CYGB: variants seen among roughly 807,000 people sequenced by gnomAD.
The protein encoded by CYGB is cytoglobin.
Under a neutral mutation model 20.7 loss-of-function variants are expected in CYGB, and 13 were observed. That is an observed-to-expected ratio of 0.63 (90% confidence interval 0.41 to 1.00). CYGB has a LOEUF of 1.00. Ranked by LOEUF, CYGB falls within the 50% of genes least tolerant of loss-of-function variation. The pLI is 0.00. For synonymous variants in CYGB, 93 were observed against 107.4 expected, an observed-to-expected ratio of 0.87 and a Z score of 0.83; for missense variants, 218 against 257.2, an observed-to-expected ratio of 0.85 and a Z score of 1.04.
exon 1 of CYGB, chr17:76,550,997 C>T (rs1260882491): frequency 6.6e-6 from 1 of 152,206 alleles, no homozygotes; most frequent in African/African-American, 2.4e-5. Flanking sequence ...TGACCTTTGC[C>T]AAGGTTACTC....
At chr17:76,537,336 T>A in intron 1 of CYGB, 64 bp downstream of exon 1, 1 of 1,477,200 alleles carries the variant, frequency 6.8e-7, no homozygotes, top group Admixed American at 2.3e-5. Flanking sequence ...GGCCCAGCCC[T>A]CCTCTGCCCG....
chr17:76,544,306 A>G (rs1377053011), intron 1 of CYGB: 2 of 454,226 alleles, frequency 4.4e-6, no homozygotes, highest in African/African-American at 2.0e-5. Context: ...GCAGTAGAAG[A>G]TGGAGTTCTC....
chr17:76,544,206 T>C (rs1278698486), intron 1 of CYGB: 2 of 454,424 alleles, frequency 4.4e-6, no homozygotes, highest in Admixed American at 2.3e-5. Flanking sequence ...CCCGTGCCTC[T>C]GTGCACACGC....
intron 1 of CYGB, among the ~76,000 whole-genome samples, chr17:76,547,882 TACAC>T (rs1282157936): frequency 6.9e-6 from 1 of 145,652 alleles, no homozygotes; most frequent in African/African-American, 2.6e-5. Context: ...TTCACACACA[TACAC>T]ATACACACAG....
chr17:76,549,755 T>C (rs950771548), intron 1 of CYGB, among the ~76,000 whole-genome samples: 3 of 152,126 alleles, frequency 2.0e-5, no homozygotes, highest in Non-Finnish European at 2.9e-5. Context: ...GGAAATGAAC[T>C]GCTGATGCCG....
chr17:76,544,866 A>C (rs1161658251), intron 1 of CYGB: 5 of 456,672 alleles, frequency 1.1e-5, no homozygotes, highest in Non-Finnish European at 2.2e-5. Flanking sequence ...CTCACGGCCC[A>C]GACGCACTTC....
chr17:76,536,680 C>G (rs2074917322), intron 1 of CYGB, among the ~76,000 whole-genome samples: 1 of 152,148 alleles, frequency 6.6e-6, no homozygotes, highest in Admixed American at 6.5e-5. Flanking sequence ...CCCCTAAGCC[C>G]AAGCCACTGC....
chr17:76,540,637 C>T, upstream of CYGB: 1 of 1,523,530 alleles, frequency 6.6e-7, no homozygotes, highest in South Asian at 1.1e-5. The surrounding 1 kb of genome is among the most constrained non-coding windows in gnomAD (Gnocchi z 5.0). Flanking sequence ...CTGTGCATGC[C>T]TGGGGGTGCA....
rs572911315 is a variant in CYGB at position 76,531,188 on chromosome 17, C to T, written c.376-46G>A. The T allele has an allele frequency of 2.5e-5, 40 of 1,577,822 alleles. No homozygotes were observed. The highest frequency in any genetic ancestry group is 1.9e-4 in the Middle Eastern group (1 of 5,186). On this transcript the variant is annotated intron_variant, in intron 2 of 3. Transcript: ENST00000293230. This position sits in a 1 kb window ranked among gnomAD's most constrained non-coding sequence, Gnocchi z 7.4. ...GGGGAGTGAACGCCCGGGCGCCCTG[C>T]GTCCTGCAACCCCCAGGCCCCTCCG...
At chr17:76,536,506 G>A (rs1334022739) in intron 1 of CYGB, among the ~76,000 whole-genome samples, 1 of 152,190 alleles carries the variant, frequency 6.6e-6, no homozygotes, top group Admixed American at 6.5e-5. Context: ...GGACCAGCAC[G>A]TGTGGAAAGA....
At chr17:76,537,169 C>T (rs2074925300) in intron 1 of CYGB, among the ~76,000 whole-genome samples, 1 of 152,226 alleles carries the variant, frequency 6.6e-6, no homozygotes. Flanking sequence ...AGGTGCTCTC[C>T]TGCATCTGGT....
rs541445094 is a variant in CYGB, at chr17:76,543,915, C to T, written c.-53+6947G>A. ...TGGATGGGAGCAACGGACAGCTTGTCCTCCGAATGTGTTTTCTGTATGTGT... is the reference window on the plus strand; with the variant it reads ...TGGATGGGAGCAACGGACAGCTTGTTCTCCGAATGTGTTTTCTGTATGTGT... On this transcript the variant is annotated intron_variant, in intron 1 of 3. Transcript: ENST00000589145. 585 of 470,786 alleles carry T rather than the reference C, an allele frequency of 1.2e-3. No homozygotes were observed. The highest frequency in any genetic ancestry group is 2.1e-3 in the Non-Finnish European group (484 of 227,064). 29.2% of individuals were successfully genotyped at this position (470,786 alleles called of 1,614,324 possible).
rs1026723157 is a variant in CYGB at position 76,530,082 on chromosome 17, C to A, written c.539+897G>T. 5.1e-6 allele frequency: 5 copies of A among 983,794 alleles called. No homozygotes were observed. The African/African-American group carries it at 8.7e-5, about 17-fold the overall frequency. The allele number at this position is 983,794 out of a possible 1,614,324, so 60.9% of individuals were successfully genotyped here. A position where few individuals can be genotyped will look rare whatever the true frequency, so the allele number is the denominator to read the frequency against. On this transcript the variant is annotated intron_variant, in intron 3 of 3. Coordinates refer to ENST00000293230, the MANE Select transcript of CYGB (RefSeq NM_134268.5). The surrounding 1 kb of genome is among the most constrained non-coding windows in gnomAD (Gnocchi z 6.1). ...TGCAGAGCCCGGCGGGAGACGCCGCCTTTTCCATGGGAAACTGCTGGGAAT... is the reference window on the plus strand; with the variant it reads ...TGCAGAGCCCGGCGGGAGACGCCGCATTTTCCATGGGAAACTGCTGGGAAT...
chr17:76,536,045 T>A lies in CYGB; in HGVS notation c.143+1355A>T, dbSNP rs576545300. ...CTCTGCTACCCACAATGTGCTTGTGTGGGTGCCAGCACCTGTGGGGATTGG... is the reference window on the plus strand; with the variant it reads ...CTCTGCTACCCACAATGTGCTTGTGAGGGTGCCAGCACCTGTGGGGATTGG... On this transcript the variant is annotated intron_variant, in intron 1 of 3. Coordinates refer to ENST00000293230, the MANE Select transcript of CYGB (RefSeq NM_134268.5). 1.1e-4 allele frequency among the ~76,000 whole-genome samples: 16 copies of A among 152,252 alleles called. No individual in the cohort carries two copies. In the East Asian group the frequency reaches 3.1e-3, roughly 29 times the overall value.
chr17:76,535,779 T>A (rs1050893959), intron 1 of CYGB, among the ~76,000 whole-genome samples: 1 of 152,212 alleles, frequency 6.6e-6, no homozygotes, highest in South Asian at 2.1e-4. Flanking sequence ...TGCCCTACCC[T>A]GGTCCCCTTC....
intron 1 of CYGB, among the ~76,000 whole-genome samples, chr17:76,532,778 C>T (rs1323443173): frequency 2.6e-5 from 4 of 151,930 alleles, no homozygotes; most frequent in South Asian, 2.1e-4. Context: ...CTCAGGCGAT[C>T]CGCCTGCCTC....
intron 1 of CYGB, among the ~76,000 whole-genome samples, chr17:76,534,845 A>T (rs2143107695): frequency 6.6e-6 from 1 of 152,022 alleles, no homozygotes. Context: ...CCCCACCCAG[A>T]CCCTCCACGG....
chr17:76,529,085 G>A (rs887288101), intron 3 of CYGB: 3 of 969,780 alleles, frequency 3.1e-6, no homozygotes, highest in Non-Finnish European at 3.6e-6. Flanking sequence ...CGCACACCCT[G>A]GAGCAGAGAC....
chr17:76,539,967 G>C (rs2074966157), upstream of CYGB: 1 of 660,714 alleles, frequency 1.5e-6, no homozygotes, highest in Non-Finnish European at 2.7e-6. Flanking sequence ...AGCTTAATCA[G>C]TCCTCACAAG....
Sources: gnomAD v4.1 joint callset for allele counts (sites outside exome capture counted in the v4.1 genomes callset) on GRCh38, gnomAD v4.1.1 for gene constraint, Gnocchi (gnomAD v3.1) non-coding constraint, MANE v1.5 for transcripts, NCBI Gene and HGNC (gene_info 2026-07-23, HGNC 2026-07-21) for gene names.